SLC24A2: variants seen among roughly 807,000 people sequenced by gnomAD.
SLC24A2 encodes the protein sodium/potassium/calcium exchanger 2.
In SLC24A2, 36 loss-of-function variants were observed where a neutral mutation model predicts 62.0. That is an observed-to-expected ratio of 0.58 (90% confidence interval 0.44 to 0.77). The LOEUF is 0.77. Among genes scored for constraint, SLC24A2 ranks in the 30% least tolerant of loss-of-function variants. The pLI, the probability that SLC24A2 is intolerant of heterozygous loss-of-function variation, is 0.00. For missense variants in SLC24A2, 846 were observed against 817.9 expected (o/e 1.03, Z -0.42); for synonymous variants, 358 against 294.0 (o/e 1.22, Z -2.23).
At chr9:20,158,677 T>C in the SLC24A2 span, among the ~76,000 whole-genome samples, 10 of 151,030 alleles carry the variant, frequency 6.6e-5, no homozygotes, top group Admixed American at 5.3e-4. Flanking sequence ...GGGAAATAAC[T>C]GAAAGAATAA....
At chr9:19,552,531 G>C (rs1468660797) in intron 7 of SLC24A2, among the ~76,000 whole-genome samples, 2 of 151,712 alleles carry the variant, frequency 1.3e-5, no homozygotes, top group African/African-American at 2.4e-5. Flanking sequence ...TTTTTTTCTA[G>C]CAGAGAGTCA....
At chr9:19,866,098 G>C in the SLC24A2 span, among the ~76,000 whole-genome samples, 2 of 152,110 alleles carry the variant, frequency 1.3e-5, no homozygotes, top group Non-Finnish European at 2.9e-5. Flanking sequence ...ATATGAAAAG[G>C]TGCTCAACAT....
In SLC24A2 at chr9:19,729,024, T is replaced by C. The variant is rs146325365; in HGVS notation, c.930+56913A>G. On this transcript the variant is annotated intron_variant, in intron 2 of 10. Transcript: ENST00000341998. ...TAGAACAATCTTAATGCCCATCGTT[T>C]CACCTTCCACATAGTAAATAGTAAA... Among the ~76,000 whole-genome samples the C allele has an allele frequency of 3.9e-4, 59 of 152,286 alleles. No homozygotes were observed. In the East Asian group the frequency reaches 6.6e-3, roughly 17 times the overall value.
the SLC24A2 span, among the ~76,000 whole-genome samples, chr9:20,066,711 G>C: frequency 1.3e-5 from 2 of 152,168 alleles, no homozygotes; most frequent in Non-Finnish European, 2.9e-5. Flanking sequence ...GGGCTACTAG[G>C]AGTGAATCCT....
the SLC24A2 span, among the ~76,000 whole-genome samples, chr9:20,115,157 G>A: frequency 6.6e-6 from 1 of 152,092 alleles, no homozygotes; most frequent in African/African-American, 2.4e-5. Context: ...AGCAAGTTAT[G>A]GGAAGGTGAG....
At chr9:20,164,493 G>A in the SLC24A2 span, among the ~76,000 whole-genome samples, 4 of 151,542 alleles carry the variant, frequency 2.6e-5, no homozygotes, top group African/African-American at 7.3e-5. Flanking sequence ...AACAGGTGCT[G>A]GAGAGGATGT....
At chr9:19,631,421 A>G (rs985573569) in intron 2 of SLC24A2, among the ~76,000 whole-genome samples, 2 of 152,158 alleles carry the variant, frequency 1.3e-5, no homozygotes, top group Non-Finnish European at 2.9e-5. Flanking sequence ...ATGCAACAAT[A>G]TCAAACCTCC....
At chr9:20,155,627 T>A in the SLC24A2 span, among the ~76,000 whole-genome samples, 1 of 151,818 alleles carries the variant, frequency 6.6e-6, no homozygotes, top group Non-Finnish European at 1.5e-5. Flanking sequence ...CAATAAATGA[T>A]AACTATTGTA....
At chr9:20,234,374 T>C in the SLC24A2 span, among the ~76,000 whole-genome samples, 1 of 152,258 alleles carries the variant, frequency 6.6e-6, no homozygotes, top group African/African-American at 2.4e-5. Flanking sequence ...CAGTCAGACG[T>C]AGATTTGGTC....
chr9:20,153,012 G>A, the SLC24A2 span, among the ~76,000 whole-genome samples: 1 of 151,810 alleles, frequency 6.6e-6, no homozygotes. Context: ...AAAGAGGCTA[G>A]AGACCGACAA....
At chr9:19,807,254 A>G in the SLC24A2 span, among the ~76,000 whole-genome samples, 277 of 152,356 alleles carry the variant, frequency 1.8e-3, 1 homozygote, top group East Asian at 0.025. Context: ...CTTTATGGTA[A>G]CAAGGAACAA....
the SLC24A2 span, among the ~76,000 whole-genome samples, chr9:19,951,804 G>C: frequency 6.6e-6 from 1 of 152,060 alleles, no homozygotes; most frequent in Non-Finnish European, 1.5e-5. Context: ...AAATTGTCAT[G>C]ATTATTCTCG....
At chr9:20,105,177 G>A in the SLC24A2 span, among the ~76,000 whole-genome samples, 2 of 152,142 alleles carry the variant, frequency 1.3e-5, no homozygotes, top group African/African-American at 2.4e-5. Context: ...ACCCAATACA[G>A]GAGCACCCAG....
the SLC24A2 span, among the ~76,000 whole-genome samples, chr9:19,923,097 T>C: frequency 4.0e-5 from 6 of 151,814 alleles, no homozygotes; most frequent in South Asian, 1.0e-3. Context: ...ACCTTAAAAG[T>C]ATTGTGGGCC....
At chr9:20,005,635 T>C in the SLC24A2 span, among the ~76,000 whole-genome samples, 1 of 151,532 alleles carries the variant, frequency 6.6e-6, no homozygotes, top group Non-Finnish European at 1.5e-5. Context: ...AAGGATGAGG[T>C]GGGGTGGGGT....
chr9:19,993,017 A>G, the SLC24A2 span, among the ~76,000 whole-genome samples: 1 of 152,004 alleles, frequency 6.6e-6, no homozygotes, highest in Admixed American at 6.6e-5. Flanking sequence ...TTCTTATTCT[A>G]CTCAAACCTT....
the SLC24A2 span, among the ~76,000 whole-genome samples, chr9:19,913,269 G>T: frequency 6.6e-6 from 1 of 152,066 alleles, no homozygotes; most frequent in African/African-American, 2.4e-5. Flanking sequence ...TTATACCAGA[G>T]ATACCAGTCA....
chr9:20,251,302 G>C, the SLC24A2 span, among the ~76,000 whole-genome samples: 1 of 141,238 alleles, frequency 7.1e-6, no homozygotes, highest in Non-Finnish European at 1.5e-5. Context: ...CCCCTTCTTA[G>C]TATCCTTTAT....
rs978814934 is a variant in SLC24A2, at chr9:19,508,640, C to G, written c.*7513G>C. ...AGACTCCATCTCTTAACAACAACAA[C>G]AAAATTAGCCAGGCATGGTGGCATG... On this transcript the variant is annotated 3_prime_UTR_variant, in exon 11 of 11. Transcript: ENST00000341998. 7 of 151,844 alleles carry G rather than the reference C, an allele frequency of 4.6e-5. No homozygotes were observed. The highest frequency in any genetic ancestry group is 7.4e-5 in the Non-Finnish European group (5 of 67,980). 9.4% of individuals were successfully genotyped at this position (151,844 alleles called of 1,614,324 possible).
Sources: gnomAD v4.1 joint callset for allele counts (sites outside exome capture counted in the v4.1 genomes callset) on GRCh38, gnomAD v4.1.1 for gene constraint, MANE v1.5 for transcripts, NCBI Gene and HGNC (gene_info 2026-07-23, HGNC 2026-07-21) for gene names.